The following TBCK variants were observed in gnomAD, a reference collection of about 807,000 sequenced individuals.
The protein encoded by TBCK is TBC domain-containing protein kinase-like protein.
TBCK carries 99 observed loss-of-function variants against 113.4 expected under a neutral mutation model. The observed-to-expected ratio is 0.87, with a 90% CI of 0.74 to 1.03. TBCK has a LOEUF of 1.03. TBCK is among the 50% of genes least tolerant of loss of function. The pLI, the probability that TBCK is intolerant of heterozygous loss-of-function variation, is 0.00. For missense variants in TBCK, 1,045 were observed against 1,061.3 expected, an observed-to-expected ratio of 0.98 and a Z score of 0.21; for synonymous variants, 369 against 370.8, an observed-to-expected ratio of 1.00 and a Z score of 0.05.
chr4:106,096,317 T>A (rs1413328222), intron 24 of TBCK, among the ~76,000 whole-genome samples: 1 of 152,234 alleles, frequency 6.6e-6, no homozygotes, highest in Non-Finnish European at 1.5e-5. Flanking sequence ...GAAAGTACTT[T>A]TATTTTCAGT....
At chr4:106,243,220 A>G (rs1266406081) in intron 11 of TBCK, among the ~76,000 whole-genome samples, 3 of 152,154 alleles carry the variant, frequency 2.0e-5, no homozygotes, top group African/African-American at 7.2e-5. Context: ...AGAATTTCAG[A>G]AAAACAAAAG....
intron 25 of TBCK, among the ~76,000 whole-genome samples, chr4:106,093,207 G>T (rs985027589): frequency 6.6e-6 from 1 of 152,170 alleles, no homozygotes; most frequent in Non-Finnish European, 1.5e-5. Context: ...CTTTCATTTA[G>T]TGTCAAAAGT....
intron 3 of TBCK, among the ~76,000 whole-genome samples, chr4:106,265,729 T>C (rs1388450555): frequency 6.6e-6 from 1 of 151,856 alleles, no homozygotes; most frequent in Non-Finnish European, 1.5e-5. Flanking sequence ...AAGAGTATTA[T>C]CTTCATTTCC....
intron 23 of TBCK, among the ~76,000 whole-genome samples, chr4:106,119,014 T>TTTGC (rs1412113287): frequency 2.0e-5 from 3 of 152,232 alleles, no homozygotes; most frequent in African/African-American, 7.2e-5. Context: ...ATTATACTAC[T>TTTGC]TTGCTTTATG....
intron 19 of TBCK, among the ~76,000 whole-genome samples, chr4:106,217,066 C>A (rs1401229418): frequency 6.6e-6 from 1 of 151,772 alleles, no homozygotes; most frequent in African/African-American, 2.4e-5. Flanking sequence ...GTTCAATATA[C>A]ACAAATCAAT....
At chr4:106,078,227 C>CTA (rs1738450315) in intron 25 of TBCK, among the ~76,000 whole-genome samples, 1 of 151,894 alleles carries the variant, frequency 6.6e-6, no homozygotes. Flanking sequence ...CCTCGAGGAA[C>CTA]TATAAAAATA....
intron 23 of TBCK, among the ~76,000 whole-genome samples, chr4:106,134,440 C>CA (rs1258115221): frequency 6.6e-6 from 1 of 152,222 alleles, no homozygotes; most frequent in Non-Finnish European, 1.5e-5. Flanking sequence ...AAGCTACCAA[C>CA]AAAATCTGTC....
At chr4:106,123,698 A>G (rs1222987815) in intron 23 of TBCK, among the ~76,000 whole-genome samples, 2 of 152,228 alleles carry the variant, frequency 1.3e-5, no homozygotes, top group African/African-American at 2.4e-5. Flanking sequence ...ATAACGTCGC[A>G]TATCTACAAC....
At chr4:106,117,493 T>C (rs968472115) in intron 23 of TBCK, among the ~76,000 whole-genome samples, 13 of 152,314 alleles carry the variant, frequency 8.5e-5, no homozygotes, top group African/African-American at 2.9e-4. Context: ...AGGAGGTAAC[T>C]TAAGACTCCA....
chr4:106,302,517 A>G (rs893829584), intron 2 of TBCK, among the ~76,000 whole-genome samples: 1 of 152,210 alleles, frequency 6.6e-6, no homozygotes, highest in African/African-American at 2.4e-5. Flanking sequence ...TATTTTGTCA[A>G]TTGAGAAAAG....
intron 19 of TBCK, among the ~76,000 whole-genome samples, chr4:106,217,805 A>G (rs1757148959): frequency 6.7e-6 from 1 of 150,296 alleles, no homozygotes; most frequent in African/African-American, 2.4e-5. Context: ...AAGGTAATTT[A>G]TAGATTCAAT....
In TBCK at chr4:106,136,509, A is replaced by G. The variant is rs1203410927; in HGVS notation, c.2236-20131T>C. ...TATAAATAACTGGGGGTTTTCAAGT[A>G]TAGTATTCTGTGTGAAATTGGGAAG... On this transcript the variant is annotated intron_variant, in intron 23 of 25. Coordinates refer to ENST00000394708, the MANE Select transcript of TBCK (RefSeq NM_001163435.3). Among the ~76,000 whole-genome samples, 3 of 141,240 alleles carry G rather than the reference A, an allele frequency of 2.1e-5. 1 individual carries two copies. The highest frequency in any genetic ancestry group is 2.0e-4 in the East Asian group (1 of 4,948). 92.7% of individuals were successfully genotyped at this position (141,240 alleles called of 152,430 possible).
chr4:106,187,279 T>C (rs1247025854), intron 22 of TBCK, among the ~76,000 whole-genome samples: 1 of 152,166 alleles, frequency 6.6e-6, no homozygotes, highest in Admixed American at 6.5e-5. Context: ...GTGATAAATG[T>C]TGTTGGTAGT....
intron 22 of TBCK, among the ~76,000 whole-genome samples, chr4:106,188,429 T>C (rs1350958859): frequency 6.6e-6 from 1 of 152,192 alleles, no homozygotes; most frequent in Admixed American, 6.5e-5. Context: ...ATATAAACAT[T>C]CAATAGTAAA....
At chr4:106,224,216 G>C (rs911013004) in intron 19 of TBCK, among the ~76,000 whole-genome samples, 3 of 151,878 alleles carry the variant, frequency 2.0e-5, no homozygotes, top group Non-Finnish European at 4.4e-5. Flanking sequence ...TGATCTATAA[G>C]AGGTAAAGCA....
chr4:106,256,802 C>A (rs1762043713), intron 5 of TBCK, among the ~76,000 whole-genome samples: 1 of 152,142 alleles, frequency 6.6e-6, no homozygotes, highest in South Asian at 2.1e-4. Flanking sequence ...GCCATCAATA[C>A]CTGATTTGAT....
Position 106,044,324 on chromosome 4 carries a change from G to A in TBCK, c.*2246C>T, listed in dbSNP as rs1281354599. ...GAAGGAAGAAAATAGTAATTGCCAGGACAGGAGGATTTAATATTTCTCTGA... is the reference window on the plus strand; with the variant it reads ...GAAGGAAGAAAATAGTAATTGCCAGAACAGGAGGATTTAATATTTCTCTGA... On this transcript the variant is annotated 3_prime_UTR_variant, in exon 26 of 26. Transcript: ENST00000394708. The A allele has an allele frequency of 1.3e-5, 2 of 152,174 alleles. No individual in the cohort carries two copies. Among genetic ancestry groups the A allele is most frequent in the African/African-American group, 4.8e-5 (2 of 41,436 alleles). The allele number at this position is 152,174 out of a possible 1,614,324, so 9.4% of individuals were successfully genotyped here.
rs1261294692 is a variant in TBCK at position 106,121,922 on chromosome 4, G to A, written c.2236-5544C>T. On this transcript the variant is annotated intron_variant, in intron 23 of 25. Coordinates refer to ENST00000394708, the MANE Select transcript of TBCK (RefSeq NM_001163435.3). ...CACTAAATGCCCACAAGAGAAAGCA[G>A]GAAAGATCTAAAATTCACACCCTAA... is the stretch of plus-strand genomic sequence containing the variant. Among the ~76,000 whole-genome samples, 11 of 152,090 alleles carry A rather than the reference G, an allele frequency of 7.2e-5. No individual in the cohort carries two copies. In the South Asian group the frequency reaches 2.3e-3, roughly 32 times the overall value.
At chr4:106,238,760 C>A (rs1759751192) in intron 12 of TBCK, 1 of 152,156 alleles carries the variant, frequency 6.6e-6, no homozygotes, top group South Asian at 2.1e-4. Context: ...AGAATCAGAG[C>A]ATTGTGATGT....
Sources: allele counts gnomAD v4.1 joint callset (sites outside exome capture counted in the v4.1 genomes callset), GRCh38; gene constraint gnomAD v4.1.1; transcripts MANE v1.5; gene names NCBI Gene and HGNC (gene_info 2026-07-23, HGNC 2026-07-21).